The following RABEP1 variants were observed in gnomAD, a reference collection of about 807,000 sequenced individuals.
The protein encoded by RABEP1 is rab GTPase-binding effector protein 1.
A neutral mutation model predicts 123.4 loss-of-function variants in RABEP1; 51 were observed. That is an observed-to-expected ratio of 0.41 (90% CI 0.33 to 0.52). RABEP1 has a LOEUF of 0.52. Ranked by LOEUF, RABEP1 falls within the 20% of genes least tolerant of loss-of-function variation. The probability of loss-of-function intolerance (pLI) is 0.16; values close to 1 mark genes in which losing one functional copy is unlikely to be tolerated. For missense variants in RABEP1, 888 were observed against 996.3 expected (o/e 0.89, Z 1.46); for synonymous variants, 347 against 355.2 (o/e 0.98, Z 0.26).
intron 1 of RABEP1, among the ~76,000 whole-genome samples, chr17:5,295,487 TTTTA>T (rs777953490): frequency 1.4e-4 from 20 of 147,276 alleles, no homozygotes; most frequent in Admixed American, 1.0e-3. Context: ...TAAGTATTGT[TTTTA>T]TTTTTTTCTA....
At chr17:5,312,378 T>C (rs570288950) in intron 2 of RABEP1, among the ~76,000 whole-genome samples, 2 of 152,308 alleles carry the variant, frequency 1.3e-5, no homozygotes, top group South Asian at 4.2e-4. Flanking sequence ...CTTGAACTCC[T>C]AACCTCAAAT....
intron 4 of RABEP1, chr17:5,336,391 T>G (rs1907088102): frequency 2.2e-6 from 1 of 445,864 alleles, no homozygotes; most frequent in African/African-American, 2.1e-5. Context: ...TTGTCACAGC[T>G]AATAAGCCTC....
In RABEP1 at chr17:5,383,638, A is replaced by G. The variant is rs914662147; in HGVS notation, c.*415A>G. Reference sequence around the variant, plus strand: ...CTTTATCTGTTGTCTAGAGCTCATCAGTAACAGTATTCAGTTAGCAGACAG... The same window carrying G: ...CTTTATCTGTTGTCTAGAGCTCATCGGTAACAGTATTCAGTTAGCAGACAG... On this transcript the variant is annotated 3_prime_UTR_variant, in exon 18 of 18. Transcript: ENST00000537505. 1 of 247,096 alleles carries G rather than the reference A, an allele frequency of 4.0e-6. No individual in the cohort carries two copies. The highest frequency in any genetic ancestry group is 7.9e-6 in the Non-Finnish European group (1 of 126,074). The allele number at this position is 247,096 out of a possible 1,614,324, so 15.3% of individuals were successfully genotyped here.
At chr17:5,347,172 G>C (rs1908131083) in intron 6 of RABEP1, among the ~76,000 whole-genome samples, 1 of 152,132 alleles carries the variant, frequency 6.6e-6, no homozygotes, top group African/African-American at 2.4e-5. Flanking sequence ...CACTTTGGGA[G>C]GCCAAGGTGG....
At chr17:5,325,185 A>G (rs1905849374) in intron 2 of RABEP1, among the ~76,000 whole-genome samples, 1 of 151,978 alleles carries the variant, frequency 6.6e-6, no homozygotes, top group Non-Finnish European at 1.5e-5. Context: ...AAAACCCAAA[A>G]ATTATCTAGG....
chr17:5,305,783 T>G (rs1288905973), intron 1 of RABEP1, among the ~76,000 whole-genome samples: 1 of 152,190 alleles, frequency 6.6e-6, no homozygotes, highest in African/African-American at 2.4e-5. Context: ...GAGAACAGAT[T>G]TCTTTCATGA....
At chr17:5,300,184 T>A (rs560885558) in intron 1 of RABEP1, among the ~76,000 whole-genome samples, 1 of 152,310 alleles carries the variant, frequency 6.6e-6, no homozygotes, top group Admixed American at 6.5e-5. Context: ...GAGTTTTTCA[T>A]TTCTGTTAAG....
intron 1 of RABEP1, among the ~76,000 whole-genome samples, chr17:5,286,218 G>T (rs983413637): frequency 2.0e-5 from 3 of 152,138 alleles, no homozygotes; most frequent in Non-Finnish European, 4.4e-5. Flanking sequence ...TTGTTTGGCC[G>T]GGCATGGTGG....
chr17:5,311,546 A>T (rs978161744), intron 2 of RABEP1, among the ~76,000 whole-genome samples: 1 of 151,814 alleles, frequency 6.6e-6, no homozygotes, highest in Non-Finnish European at 1.5e-5. Flanking sequence ...AAAATACAAA[A>T]ATTAGAAGGC....
Position 5,308,752 on chromosome 17 carries a change from A to G in RABEP1, c.93A>G (p.Ala31=), listed in dbSNP as rs754879244. 1.2e-6 allele frequency: 2 copies of G among 1,612,836 alleles called. No homozygotes were observed. Among genetic ancestry groups the G allele is most frequent in the Admixed American group, 3.3e-5 (2 of 59,942 alleles). Residue 31 remains alanine (A), a synonymous_variant, in exon 2 of 18, where the codon GCA becomes GCG. Transcript: ENST00000537505. ...AAATTAATGCAGAATTTTTACGTGC[A>G]CAACAGCAGCTTGAACAAGAATTTA... The part of the protein sequence containing the change: ...LEKINAEFLR[A]QQQLEQEFNQ...
At chr17:5,284,696 AC>A (rs1210261511) in intron 1 of RABEP1, among the ~76,000 whole-genome samples, 1 of 151,700 alleles carries the variant, frequency 6.6e-6, no homozygotes, top group Non-Finnish European at 1.5e-5. Flanking sequence ...AAACTCCTGA[AC>A]TCAAGGGATC....
At chr17:5,325,182 A>C (rs1009083571) in intron 2 of RABEP1, among the ~76,000 whole-genome samples, 4 of 152,024 alleles carry the variant, frequency 2.6e-5, no homozygotes, top group East Asian at 3.9e-4. Context: ...AAAAAAACCC[A>C]AAAATTATCT....
chr17:5,328,707 C>G (rs1906215161), intron 2 of RABEP1, among the ~76,000 whole-genome samples: 1 of 136,016 alleles, frequency 7.4e-6, no homozygotes, highest in Admixed American at 7.8e-5. Flanking sequence ...AATCCCAGCA[C>G]TTTGGGAGGC....
chr17:5,311,045 G>A (rs945632956), intron 2 of RABEP1, among the ~76,000 whole-genome samples: 1 of 151,880 alleles, frequency 6.6e-6, no homozygotes, highest in Non-Finnish European at 1.5e-5. Flanking sequence ...CCTGACCTCA[G>A]ATGATCCGCC....
At chr17:5,377,520 A>ATTTTTTTTTTTTTTTTTTTTTTTTTTTT (rs960634048) in intron 14 of RABEP1, among the ~76,000 whole-genome samples, 2 of 99,824 alleles carry the variant, frequency 2.0e-5, no homozygotes, top group African/African-American at 4.1e-5. Flanking sequence ...TATTTAAAAA[A>ATTTTTTTTTTTTTTTTTTTTTTTTTTTT]TTTTTTTTTT....
chr17:5,383,365 G>A lies in RABEP1; in HGVS notation c.*142G>A, dbSNP rs1911658461. ...GGAGAAATGCTTACTTCTAGAGGGA[G>A]AAGACTGTGCGGCACAGGAAACAGC... On this transcript the variant is annotated 3_prime_UTR_variant, in exon 18 of 18. Coordinates refer to ENST00000537505, the MANE Select transcript of RABEP1 (RefSeq NM_004703.6). 2.8e-6 allele frequency: 2 copies of A among 707,698 alleles called. No individual in the cohort carries two copies. Among genetic ancestry groups the A allele is most frequent in the Non-Finnish European group, 4.8e-6 (2 of 417,930 alleles). 43.8% of individuals were successfully genotyped at this position (707,698 alleles called of 1,614,324 possible).
intron 11 of RABEP1, among the ~76,000 whole-genome samples, chr17:5,366,025 AGGGGT>A (rs1401825003): frequency 6.6e-6 from 1 of 152,200 alleles, no homozygotes; most frequent in Non-Finnish European, 1.5e-5. Flanking sequence ...ATATGTAACT[AGGGGT>A]GGAATGCTTG....
intron 2 of RABEP1, among the ~76,000 whole-genome samples, 198 bp downstream of exon 2, chr17:5,309,020 T>A (rs1185351561): frequency 6.6e-6 from 1 of 152,212 alleles, no homozygotes; most frequent in Non-Finnish European, 1.5e-5. Flanking sequence ...AGATTTTGCC[T>A]TGTTTTTTGA....
intron 3 of RABEP1, among the ~76,000 whole-genome samples, chr17:5,334,966 A>G (rs1906924322): frequency 6.6e-6 from 1 of 152,200 alleles, no homozygotes; most frequent in Admixed American, 6.6e-5. Flanking sequence ...GTAAAATAAT[A>G]TATGACACAG....
Sources: allele counts gnomAD v4.1 joint callset (sites outside exome capture counted in the v4.1 genomes callset), GRCh38; gene constraint gnomAD v4.1.1; transcripts MANE v1.5; gene names NCBI Gene and HGNC (gene_info 2026-07-23, HGNC 2026-07-21).